Variants in CTNNA3 observed in about 807,000 individuals in gnomAD.
CTNNA3 encodes catenin alpha 3.
In CTNNA3, 76 loss-of-function variants were observed where a neutral mutation model predicts 95.7. The observed-to-expected ratio is 0.79, with a 90% confidence interval of 0.66 to 0.96. The LOEUF (loss-of-function observed/expected upper bound fraction) is 0.96, where lower values mean the gene tolerates loss of function less well. Ranked by LOEUF, CTNNA3 falls within the 40% of genes least tolerant of loss-of-function variation. The pLI, the probability that CTNNA3 is intolerant of heterozygous loss-of-function variation, is 0.00. For missense variants in CTNNA3, 1,191 were observed against 1,089.8 expected (o/e 1.09, Z -1.31); for synonymous variants, 431 against 374.4 (o/e 1.15, Z -1.74).
intron 15 of CTNNA3, 71 bp downstream of exon 15, chr10:66,069,237 T>C: frequency 6.9e-7 from 1 of 1,457,850 alleles, no homozygotes; most frequent in South Asian, 1.2e-5. Flanking sequence ...TCAGAGAATC[T>C]TGAGGTTTCA....
chr10:66,356,122 G>GTTTTTTTGGTTTTTTTTTGTTTT (rs2092607456), intron 12 of CTNNA3, among the ~76,000 whole-genome samples: 1 of 117,236 alleles, frequency 8.5e-6, no homozygotes, highest in African/African-American at 3.6e-5. Flanking sequence ...TGCTTGTTTT[G>GTTTTTTTGGTTTTTTTTTGTTTT]TTTTTTTTTT....
chr10:67,480,905 T>G (rs543328911), intron 5 of CTNNA3, among the ~76,000 whole-genome samples: 1 of 152,090 alleles, frequency 6.6e-6, no homozygotes, highest in Non-Finnish European at 1.5e-5. Flanking sequence ...AAAAGTTAAT[T>G]CACCATAATC....
chr10:67,251,728 A>G (rs1866116741), intron 5 of CTNNA3, among the ~76,000 whole-genome samples: 1 of 152,058 alleles, frequency 6.6e-6, no homozygotes, highest in South Asian at 2.1e-4. Flanking sequence ...AAATAATCTC[A>G]ATATAAATTA....
At chr10:67,503,454 T>TA (rs1839296885) in intron 5 of CTNNA3, among the ~76,000 whole-genome samples, 1 of 152,194 alleles carries the variant, frequency 6.6e-6, no homozygotes, top group African/African-American at 2.4e-5. Flanking sequence ...TATTTTTTTT[T>TA]ATTATTCTGG....
intron 7 of CTNNA3, among the ~76,000 whole-genome samples, chr10:66,958,244 T>C (rs944480593): frequency 6.6e-6 from 1 of 150,736 alleles, no homozygotes; most frequent in Non-Finnish European, 1.5e-5. Context: ...ACAGGAAGAT[T>C]TAGCAACTTA....
chr10:65,920,407 C>G lies in CTNNA3; in HGVS notation c.2611G>C (p.Val871Leu). ...REKPEETCAA[V>L]RRGSAKKKIH... ...TTTTTCTTTGCTGAGCCTCGTCTGA[C>G]AGCTGCACACGTTTCCTCTGGCTTC... The change falls in exon 18 of 18, where the codon GTC becomes CTC. Residue 871 changes from valine (V) to leucine (L), a missense_variant. Transcript: ENST00000433211. The G allele has an allele frequency of 6.2e-7, 1 of 1,614,180 alleles. No homozygotes were observed. Among genetic ancestry groups the G allele is most frequent in the Non-Finnish European group, 8.5e-7 (1 of 1,180,022 alleles).
chr10:65,989,300 A>G (rs1181414666), intron 15 of CTNNA3, among the ~76,000 whole-genome samples: 1 of 152,078 alleles, frequency 6.6e-6, no homozygotes, highest in Non-Finnish European at 1.5e-5. Flanking sequence ...TATTATTATT[A>G]TTATTTTTTA....
chr10:67,106,318 T>A (rs1372553411), intron 7 of CTNNA3, among the ~76,000 whole-genome samples: 1 of 152,220 alleles, frequency 6.6e-6, no homozygotes, highest in Non-Finnish European at 1.5e-5. Flanking sequence ...TTTCTGCCAC[T>A]GAGAATATAA....
chr10:66,493,447 G>T (rs567830665), intron 11 of CTNNA3, among the ~76,000 whole-genome samples: 2 of 152,130 alleles, frequency 1.3e-5, no homozygotes, highest in Non-Finnish European at 2.9e-5. Flanking sequence ...CTCTCCCAAA[G>T]AATATGCTAA....
chr10:66,962,024 C>T (rs1317331107), intron 7 of CTNNA3, among the ~76,000 whole-genome samples: 2 of 152,170 alleles, frequency 1.3e-5, no homozygotes, highest in Non-Finnish European at 2.9e-5. Context: ...CATATTGCCA[C>T]TACTCTGGTT....
chr10:66,195,221 A>G (rs2131895429), intron 13 of CTNNA3, among the ~76,000 whole-genome samples: 1 of 152,216 alleles, frequency 6.6e-6, no homozygotes, highest in Admixed American at 6.6e-5. Flanking sequence ...TGTTTAAAAA[A>G]AGATGACCCT....
At chr10:66,582,920 GT>G in intron 10 of CTNNA3, among the ~76,000 whole-genome samples, 1 of 151,668 alleles carries the variant, frequency 6.6e-6, no homozygotes, top group Non-Finnish European at 1.5e-5. Context: ...AAAAAATTCT[GT>G]TTATCTGATG....
At chr10:66,640,695 C>A (rs576967720) in intron 9 of CTNNA3, among the ~76,000 whole-genome samples, 1 of 152,246 alleles carries the variant, frequency 6.6e-6, no homozygotes, top group East Asian at 1.9e-4. Context: ...TAGGCTGAAC[C>A]ATGTGCCAAT....
At chr10:66,156,282 T>C (rs2084505507) in intron 13 of CTNNA3, among the ~76,000 whole-genome samples, 1 of 151,938 alleles carries the variant, frequency 6.6e-6, no homozygotes, top group Non-Finnish European at 1.5e-5. Context: ...GAGGGATCCT[T>C]GTGATGATAG....
intron 16 of CTNNA3, among the ~76,000 whole-genome samples, chr10:65,967,607 C>T (rs140375905): frequency 9.9e-5 from 15 of 152,256 alleles, no homozygotes; most frequent in African/African-American, 3.6e-4. Context: ...ACAACTGAAG[C>T]CAAGAAACAG....
intron 5 of CTNNA3, among the ~76,000 whole-genome samples, chr10:67,313,219 G>A (rs1379394451): frequency 2.6e-5 from 4 of 151,950 alleles, no homozygotes; most frequent in African/African-American, 2.4e-5. Context: ...GGCGGATCAC[G>A]AGGTCAGGAG....
At chr10:67,623,242 G>C (rs961105296) in intron 2 of CTNNA3, among the ~76,000 whole-genome samples, 4 of 152,156 alleles carry the variant, frequency 2.6e-5, no homozygotes, top group Non-Finnish European at 5.9e-5. Flanking sequence ...TTTTCTGAAA[G>C]AAACAAAGGA....
At chr10:67,155,867 T>C (rs1861291376) in intron 7 of CTNNA3, among the ~76,000 whole-genome samples, 1 of 152,156 alleles carries the variant, frequency 6.6e-6, no homozygotes, top group Non-Finnish European at 1.5e-5. Context: ...GAAGGATTGG[T>C]ATTAATTCTT....
intron 7 of CTNNA3, among the ~76,000 whole-genome samples, chr10:66,812,248 G>C (rs893285905): frequency 6.6e-6 from 1 of 152,236 alleles, no homozygotes; most frequent in South Asian, 2.1e-4. Context: ...TGAGGATAAA[G>C]GGAGTCAGAT....
Sources: allele counts gnomAD v4.1 joint callset (sites outside exome capture counted in the v4.1 genomes callset), GRCh38; gene constraint gnomAD v4.1.1; transcripts MANE v1.5; gene names NCBI Gene and HGNC (gene_info 2026-07-23, HGNC 2026-07-21).